PBX1: variants seen among roughly 807,000 people sequenced by gnomAD.
PBX1 encodes PBX homeobox 1, also known as pre-B-cell leukemia transcription factor 1.
PBX1 carries 6 observed loss-of-function variants against 53.4 expected under a neutral mutation model. That is an observed-to-expected ratio of 0.11 (90% CI 0.06 to 0.22). The LOEUF (loss-of-function observed/expected upper bound fraction) is 0.22. Ranked by LOEUF, PBX1 falls within the 10% of genes least tolerant of loss-of-function variation. The pLI is 1.00. For missense variants in PBX1, 251 were observed against 551.4 expected (o/e 0.46, Z 5.46); for synonymous variants, 204 against 212.3 (o/e 0.96, Z 0.34).
chr1:164,774,022 G>A (rs1008191921), intron 2 of PBX1, among the ~76,000 whole-genome samples: 4 of 152,154 alleles, frequency 2.6e-5, no homozygotes, highest in Non-Finnish European at 5.9e-5. Context: ...AAGAGAAAAG[G>A]ATAGATGGCA....
At chr1:164,644,200 G>C (rs553626293) in intron 2 of PBX1, among the ~76,000 whole-genome samples, 8 of 152,156 alleles carry the variant, frequency 5.3e-5, no homozygotes, top group Non-Finnish European at 1.2e-4. Flanking sequence ...GATGAAAGCC[G>C]TGGGGGATTT....
At chr1:164,748,439 C>T (rs1288265465) in intron 2 of PBX1, among the ~76,000 whole-genome samples, 1 of 152,162 alleles carries the variant, frequency 6.6e-6, no homozygotes, top group Non-Finnish European at 1.5e-5. Flanking sequence ...CTGATTCCTG[C>T]CGGCTTTGTT....
At chr1:164,766,875 G>A (rs535220478) in intron 2 of PBX1, among the ~76,000 whole-genome samples, 7 of 151,702 alleles carry the variant, frequency 4.6e-5, no homozygotes, top group Admixed American at 3.3e-4. Context: ...TTACAGGCAC[G>A]CACCACCATA....
intron 2 of PBX1, among the ~76,000 whole-genome samples, chr1:164,713,489 C>G (rs1487123822): frequency 6.6e-6 from 1 of 152,092 alleles, no homozygotes; most frequent in Non-Finnish European, 1.5e-5. Context: ...CTGCATAAAC[C>G]TTCCTATCTT....
At chr1:164,675,196 TGAAAAAGTATAAAACCATTTCATTCAAG>T (rs1254189877) in intron 2 of PBX1, among the ~76,000 whole-genome samples, 1 of 152,034 alleles carries the variant, frequency 6.6e-6, no homozygotes, top group Non-Finnish European at 1.5e-5. Context: ...AGGAATTTGG[TGAAAAAGTATAAAACCATTTCATTCAAG>T]GAAATGGAAT....
chr1:164,638,112 C>G (rs1658895787), intron 2 of PBX1, among the ~76,000 whole-genome samples: 1 of 152,236 alleles, frequency 6.6e-6, no homozygotes, highest in African/African-American at 2.4e-5. Context: ...GGCACTCGTA[C>G]TGCTGCTATG....
At chr1:164,720,270 T>G (rs979962766) in intron 2 of PBX1, among the ~76,000 whole-genome samples, 8 of 152,132 alleles carry the variant, frequency 5.3e-5, no homozygotes, top group African/African-American at 1.9e-4. Flanking sequence ...AACAGTCCTG[T>G]GGGTTTAATG....
chr1:164,576,598 G>A (rs1431545628), intron 2 of PBX1, among the ~76,000 whole-genome samples: 7 of 152,322 alleles, frequency 4.6e-5, no homozygotes, highest in African/African-American at 1.7e-4. Flanking sequence ...CATTTCCCTT[G>A]CCTGGCCCGG....
intron 2 of PBX1, among the ~76,000 whole-genome samples, chr1:164,734,941 A>G (rs1425639517): frequency 6.6e-6 from 1 of 152,212 alleles, no homozygotes. Flanking sequence ...TAAGATGAAA[A>G]GGGAAACAAA....
chr1:164,635,830 G>A (rs182364751), intron 2 of PBX1, among the ~76,000 whole-genome samples: 28 of 152,322 alleles, frequency 1.8e-4, no homozygotes, highest in Non-Finnish European at 2.5e-4. Flanking sequence ...ATTAAGGTTC[G>A]TTAGGATGCA....
At chr1:164,791,704 T>C (rs1328447290) in intron 2 of PBX1, among the ~76,000 whole-genome samples, 1 of 152,210 alleles carries the variant, frequency 6.6e-6, no homozygotes, top group Non-Finnish European at 1.5e-5. Context: ...GGGAAATGCT[T>C]TTCCTTAAAT....
At chr1:164,602,172 GC>G (rs1192228280) in intron 2 of PBX1, among the ~76,000 whole-genome samples, 2 of 152,140 alleles carry the variant, frequency 1.3e-5, no homozygotes, top group African/African-American at 4.8e-5. Context: ...CCAGTTCTGG[GC>G]CCTGGCTAGT....
intron 2 of PBX1, among the ~76,000 whole-genome samples, chr1:164,593,441 G>A (rs1404218099): frequency 6.6e-6 from 1 of 152,082 alleles, no homozygotes; most frequent in Non-Finnish European, 1.5e-5. Context: ...GAAATACTGT[G>A]TCTGCTCCCA....
At position 164,876,615 on chromosome 1, in the gene PBX1, T is replaced by TGA. The variant is rs61393824; in HGVS notation, n.258-22573_258-22572insGA. Among the ~76,000 whole-genome samples, 1,486 of 152,120 alleles carry TGA rather than the reference T, an allele frequency of 9.8e-3. 13 individuals carry two copies. The highest frequency in any genetic ancestry group is 0.037 in the South Asian group (178 of 4,800). The stretch of plus-strand genomic sequence containing the variant: ...AGACACTGTGCTCGGTGCTCTGTGT[T>TGA]TATTATCTCATTTATCCTCCAGGCC... On this transcript the variant is annotated intron_variant and non_coding_transcript_variant, in intron 2 of 2. Coordinates refer to the PBX1 transcript ENST00000558796.
intron 2 of PBX1, among the ~76,000 whole-genome samples, chr1:164,709,431 T>A (rs1168679480): frequency 6.6e-6 from 1 of 152,144 alleles, no homozygotes. Flanking sequence ...AAAAACACTT[T>A]AAGTTGAATA....
chr1:164,563,644 G>C (rs1210208114), intron 2 of PBX1, among the ~76,000 whole-genome samples: 2 of 152,094 alleles, frequency 1.3e-5, no homozygotes, highest in Non-Finnish European at 2.9e-5. Context: ...ATTTTTTTAA[G>C]GAATATATTT....
chr1:164,757,052 T>C (rs749145706), intron 2 of PBX1, among the ~76,000 whole-genome samples: 1 of 152,166 alleles, frequency 6.6e-6, no homozygotes, highest in African/African-American at 2.4e-5. Flanking sequence ...GATTTTTGTT[T>C]TGTCAGGAGA....
chr1:164,570,148 A>G (rs895803791), intron 2 of PBX1, among the ~76,000 whole-genome samples: 3 of 152,204 alleles, frequency 2.0e-5, no homozygotes, highest in Admixed American at 6.5e-5. Context: ...TCAACTTGCA[A>G]AGTTCCAAAG....
At chr1:164,564,827 T>TA (rs1653318462) in intron 2 of PBX1, among the ~76,000 whole-genome samples, 1 of 151,534 alleles carries the variant, frequency 6.6e-6, no homozygotes, top group Non-Finnish European at 1.5e-5. Flanking sequence ...ATATATATAT[T>TA]TATATATATT....
Sources: gnomAD v4.1 joint callset for allele counts (sites outside exome capture counted in the v4.1 genomes callset) on GRCh38, gnomAD v4.1.1 for gene constraint, MANE v1.5 for transcripts, NCBI Gene and HGNC (gene_info 2026-07-23, HGNC 2026-07-21) for gene names.